Variants in COL28A1 observed in about 807,000 individuals in gnomAD.
The protein encoded by COL28A1 is collagen alpha-1(XXVIII) chain.
In COL28A1, 161 loss-of-function variants were observed where a neutral mutation model predicts 150.2. The observed-to-expected ratio is 1.07, with a 90% confidence interval of 0.94 to 1.22. The LOEUF (loss-of-function observed/expected upper bound fraction) is 1.22. Among genes scored for constraint, COL28A1 ranks in the 50% most tolerant of loss-of-function variants. COL28A1 has a pLI of 0.00. For synonymous variants in COL28A1, 552 were observed against 469.7 expected, an observed-to-expected ratio of 1.18 and a Z score of -2.26; for missense variants, 1,617 against 1,388.3, an observed-to-expected ratio of 1.16 and a Z score of -2.62.
At chr7:7,370,627 C>T (rs1284991344) in intron 33 of COL28A1, 98 bp downstream of exon 33, 5 of 936,642 alleles carry the variant, frequency 5.3e-6, no homozygotes, top group Non-Finnish European at 7.8e-6. Flanking sequence ...ACACGTGCCT[C>T]AGCTGATTCT....
intron 21 of COL28A1, among the ~76,000 whole-genome samples, chr7:7,437,670 T>G (rs4503020): frequency 0.2 from 29,835 of 152,202 alleles, 3,310 homozygotes; most frequent in African/African-American, 0.3. Flanking sequence ...TAAATAACTA[T>G]GTTCAATTAA....
chr7:7,526,679 A>G (rs543660542), intron 3 of COL28A1, among the ~76,000 whole-genome samples: 2 of 152,058 alleles, frequency 1.3e-5, no homozygotes, highest in African/African-American at 4.8e-5. Flanking sequence ...CCTGTCACCT[A>G]GGCTGGCATG....
chr7:7,387,244 G>A (rs917751175), intron 27 of COL28A1, among the ~76,000 whole-genome samples: 18 of 152,276 alleles, frequency 1.2e-4, no homozygotes, highest in African/African-American at 3.9e-4. Flanking sequence ...TTTGTGGAGG[G>A]TCAGGAAACC....
At chr7:7,408,034 T>G (rs1311838889) in intron 27 of COL28A1, among the ~76,000 whole-genome samples, 3 of 152,136 alleles carry the variant, frequency 2.0e-5, no homozygotes, top group Non-Finnish European at 4.4e-5. Context: ...TTCTATTTCT[T>G]TTTCCATTTT....
At chr7:7,343,695 T>C in the COL28A1 span, among the ~76,000 whole-genome samples, 2 of 152,196 alleles carry the variant, frequency 1.3e-5, no homozygotes, top group East Asian at 3.9e-4. Context: ...TCTGAACATA[T>C]TTCTCTTTCT....
chr7:7,520,733 T>G (rs2115193745), intron 5 of COL28A1, among the ~76,000 whole-genome samples: 1 of 152,334 alleles, frequency 6.6e-6, no homozygotes, highest in East Asian at 1.9e-4. Flanking sequence ...TACTAAAATG[T>G]GACAAGAATG....
intron 27 of COL28A1, among the ~76,000 whole-genome samples, chr7:7,392,024 A>T (rs1283507100): frequency 6.6e-6 from 1 of 152,120 alleles, no homozygotes; most frequent in African/African-American, 2.4e-5. Flanking sequence ...GGTCATTATG[A>T]TGTTAGCTGG....
chr7:7,393,611 C>A (rs59770725), intron 27 of COL28A1, among the ~76,000 whole-genome samples: 5,275 of 10,100 alleles, frequency 0.52, 307 homozygotes, highest in African/African-American at 0.53. Flanking sequence ...ATCTATAAGC[C>A]CCTTGCTGGG....
intron 23 of COL28A1, among the ~76,000 whole-genome samples, chr7:7,435,641 C>A (rs866617735): frequency 2.0e-5 from 3 of 152,144 alleles, no homozygotes; most frequent in African/African-American, 7.2e-5. Flanking sequence ...GGTTTTGCAT[C>A]ATATTTTATT....
At chr7:7,522,263 A>G (rs963698999) in intron 4 of COL28A1, among the ~76,000 whole-genome samples, 1 of 152,212 alleles carries the variant, frequency 6.6e-6, no homozygotes, top group Non-Finnish European at 1.5e-5. Context: ...TCAAAAATAC[A>G]TGTATAATAT....
chr7:7,531,670 T>G lies in COL28A1; in HGVS notation c.359A>C (p.Lys120Thr), dbSNP rs1782367919. ...SWKDLQTFKQ[K>T]VKSMNLIGQG... ...CCCTATTAAATTCATAGACTTGACC[T>G]TCTGCTTAAATGTCTGCAGGTCCTT... The change falls in exon 3 of 35, where the codon AAG becomes ACG. Residue 120 changes from lysine to threonine, a missense_variant. Physicochemically the swap from Lys to Thr is moderately conservative, Grantham distance 78. Coordinates refer to ENST00000399429, the MANE Select transcript of COL28A1 (RefSeq NM_001037763.3). The G allele has an allele frequency of 6.3e-7, 1 of 1,597,052 alleles. No homozygotes were observed. Among genetic ancestry groups the G allele is most frequent in the African/African-American group, 1.3e-5 (1 of 74,530 alleles).
At chr7:7,511,652 C>G in intron 8 of COL28A1, 1 of 401,592 alleles carries the variant, frequency 2.5e-6, no homozygotes, top group Non-Finnish European at 5.2e-6. Context: ...GAGTACCAAC[C>G]TTGACCACCT....
intron 30 of COL28A1, among the ~76,000 whole-genome samples, chr7:7,377,648 T>C (rs1025117683): frequency 2.6e-5 from 4 of 152,128 alleles, no homozygotes; most frequent in Admixed American, 6.5e-5. Flanking sequence ...ACAGATGGAC[T>C]CTTGAAGACC....
intron 31 of COL28A1, among the ~76,000 whole-genome samples, chr7:7,374,038 A>AAAAAAAAATATATAT: frequency 1.5e-4 from 17 of 113,656 alleles, no homozygotes; most frequent in African/African-American, 6.1e-4. Flanking sequence ...AAAAAAAAAA[A>AAAAAAAAATATATAT]ATATATATAT....
Position 7,410,659 on chromosome 7 carries a change from G to T in COL28A1, c.2136+7200C>A, listed in dbSNP as rs551204742. On this transcript the variant is annotated intron_variant, in intron 27 of 34. Transcript: ENST00000399429. ...TTGTCTTCCTTTTTTTTTTTTAAATGCTGTTGTTTATTTGCAGTCAAGAAG... is the reference window on the plus strand; with the variant it reads ...TTGTCTTCCTTTTTTTTTTTTAAATTCTGTTGTTTATTTGCAGTCAAGAAG... Among the ~76,000 whole-genome samples, 381 of 148,030 alleles carry T rather than the reference G, an allele frequency of 2.6e-3. 2 individuals carry two copies. Among genetic ancestry groups the T allele is most frequent in the African/African-American group, 8.9e-3 (354 of 39,976 alleles).
At chr7:7,396,588 C>A (rs77213713) in intron 27 of COL28A1, among the ~76,000 whole-genome samples, 2,784 of 152,258 alleles carry the variant, frequency 0.018, 73 homozygotes, top group African/African-American at 0.062. Context: ...GGGACTAAGA[C>A]GGCCTAATGC....
At position 7,504,763 on chromosome 7, in the gene COL28A1, T is replaced by G. The variant is rs573309765; in HGVS notation, c.1026+1251A>C. On this transcript the variant is annotated intron_variant, in intron 11 of 34. Coordinates refer to ENST00000399429, the MANE Select transcript of COL28A1 (RefSeq NM_001037763.3). ...TGCTAAGCCAGTATGATCTCTAACA[T>G]CCCTAGTGGCTCAAACATTCTATAA... 3.3e-4 allele frequency among the ~76,000 whole-genome samples: 51 copies of G among 152,272 alleles called. 1 individual carries two copies. Among genetic ancestry groups the G allele is most frequent in the Middle Eastern group, 3.4e-3 (1 of 294 alleles).
At chr7:7,456,480 G>A (rs116001505) in intron 15 of COL28A1, among the ~76,000 whole-genome samples, 3,091 of 152,190 alleles carry the variant, frequency 0.02, 79 homozygotes, top group African/African-American at 0.063. Flanking sequence ...TAGAATGAGA[G>A]ATAAATTGAA....
upstream of COL28A1, among the ~76,000 whole-genome samples, chr7:7,536,017 G>A (rs1290179263): frequency 6.6e-6 from 1 of 152,184 alleles, no homozygotes; most frequent in Non-Finnish European, 1.5e-5. Flanking sequence ...ATGAGACTGT[G>A]TTTTCCAGAC....
Sources: allele counts gnomAD v4.1 joint callset (sites outside exome capture counted in the v4.1 genomes callset), GRCh38; gene constraint gnomAD v4.1.1; transcripts MANE v1.5; gene names NCBI Gene and HGNC (gene_info 2026-07-23, HGNC 2026-07-21).